The following XPO6 variants were observed in gnomAD, a reference collection of about 807,000 sequenced individuals.
XPO6 encodes the protein exportin 6, also known as exportin-6.
Under a neutral mutation model 130.0 loss-of-function variants are expected in XPO6, and 3 were observed. The observed-to-expected ratio is 0.02, with a 90% CI of 0.01 to 0.06. The LOEUF (loss-of-function observed/expected upper bound fraction) is 0.06, where lower values mean the gene tolerates loss of function less well. Among genes scored for constraint, XPO6 ranks in the 10% least tolerant of loss-of-function variants. XPO6 has a pLI of 1.00. For missense variants in XPO6, 970 were observed against 1,393.0 expected (o/e 0.70, Z 4.83); for synonymous variants, 524 against 548.9 (o/e 0.95, Z 0.63).
Position 28,106,452 on chromosome 16 carries a change from C to T in XPO6, c.2543G>A (p.Gly848Asp). ...MLSFFLTLFR[G>D]LRVQMGVPFT... ...AGGCACACCCATCTGTACTCTAAGGCCTCGAAACAGAGTGAGGAAGAAGCT... is the reference window on the plus strand; with the variant it reads ...AGGCACACCCATCTGTACTCTAAGGTCTCGAAACAGAGTGAGGAAGAAGCT... The change falls in exon 19 of 24, where the codon GGC becomes GAC. Residue 848 changes from glycine to aspartate, a missense_variant. By Grantham distance (94) the Gly-to-Asp change is moderately conservative (BLOSUM62 -1). Coordinates refer to ENST00000304658, the MANE Select transcript of XPO6 (RefSeq NM_015171.4). The surrounding 1 kb of genome is among the most constrained non-coding windows in gnomAD (Gnocchi z 4.2). 6.2e-7 allele frequency: 1 copy of T among 1,614,224 alleles called. No homozygotes were observed.
In XPO6 at chr16:28,156,479, A is replaced by G; in HGVS notation, c.692T>C (p.Leu231Ser). The change falls in exon 7 of 24, where the codon TTG becomes TCG. Residue 231 changes from leucine (L) to serine (S), a missense_variant. Physicochemically the swap from Leu to Ser is moderately radical, Grantham distance 145. Transcript: ENST00000304658. ...ATCAAGGATGGGAATTGGCTGATTCAACAGTTTGGCTGAACTGGGACTCTG... is the reference window on the plus strand; with the variant it reads ...ATCAAGGATGGGAATTGGCTGATTCGACAGTTTGGCTGAACTGGGACTCTG... ...LLQSPSSAKL[L>S]NQPIPILDVE... 1 of 1,602,632 alleles carries G rather than the reference A, an allele frequency of 6.2e-7. No homozygotes were observed. The highest frequency in any genetic ancestry group is 1.3e-5 in the African/African-American group (1 of 74,872).
chr16:28,208,746 T>C lies in XPO6; in HGVS notation c.3+2620A>G, dbSNP rs559042755. Among the ~76,000 whole-genome samples the C allele has an allele frequency of 2.0e-5, 3 of 152,310 alleles. No homozygotes were observed. The East Asian group carries it at 5.8e-4, about 29-fold the overall frequency. On this transcript the variant is annotated intron_variant, in intron 1 of 23. Transcript: ENST00000304658. Reference sequence around the variant, plus strand: ...AAGGGTGCTGGGCTAGCTCAGTCAATAACAAAATTCTGTCCAAGGGTCCTA... The same window carrying C: ...AAGGGTGCTGGGCTAGCTCAGTCAACAACAAAATTCTGTCCAAGGGTCCTA...
At chr16:28,100,278 C>A (rs1567586665) in intron 23 of XPO6, among the ~76,000 whole-genome samples, 1 of 152,368 alleles carries the variant, frequency 6.6e-6, no homozygotes, top group East Asian at 1.9e-4. Context: ...GTGTGAGACA[C>A]CGCGCCTGGC....
chr16:28,163,431 A>C (rs2043308504), intron 6 of XPO6, among the ~76,000 whole-genome samples: 1 of 152,238 alleles, frequency 6.6e-6, no homozygotes, highest in South Asian at 2.1e-4. Context: ...ATGGTCCCTT[A>C]ATTTTACTGC....
chr16:28,121,403 G>A (rs1248349043), intron 14 of XPO6, among the ~76,000 whole-genome samples: 1 of 152,164 alleles, frequency 6.6e-6, no homozygotes, highest in Non-Finnish European at 1.5e-5. Context: ...CTGTGTGACT[G>A]TCTCAGCCTG....
At chr16:28,185,357 C>T (rs28470222) in intron 1 of XPO6, among the ~76,000 whole-genome samples, 87,334 of 151,434 alleles carry the variant, frequency 0.58, 27,477 homozygotes, top group South Asian at 0.72. Flanking sequence ...AAGACCTTGC[C>T]TCTTAAAAAA....
intron 8 of XPO6, among the ~76,000 whole-genome samples, chr16:28,149,375 G>A (rs1449775658): frequency 6.6e-6 from 1 of 152,146 alleles, no homozygotes; most frequent in African/African-American, 2.4e-5. Context: ...AAGGAGAAAC[G>A]GTTAAAGAAG....
intron 23 of XPO6, among the ~76,000 whole-genome samples, chr16:28,100,044 G>A (rs1267623957): frequency 6.6e-6 from 1 of 152,020 alleles, no homozygotes; most frequent in Non-Finnish European, 1.5e-5. Context: ...CTGGAGTGCA[G>A]TGGCACAACC....
At chr16:28,209,738 G>A (rs1261384820) in intron 1 of XPO6, among the ~76,000 whole-genome samples, 1 of 151,612 alleles carries the variant, frequency 6.6e-6, no homozygotes, top group Non-Finnish European at 1.5e-5. Flanking sequence ...CATACCTCTA[G>A]ATTACTCTTT....
chr16:28,189,257 TAAA>T (rs34353034), intron 1 of XPO6, among the ~76,000 whole-genome samples: 5 of 134,608 alleles, frequency 3.7e-5, no homozygotes, highest in Admixed American at 1.5e-4. Context: ...ACACTTCCTT[TAAA>T]AAAAAAAAAA....
At chr16:28,117,027 A>G (rs1359558366) in intron 15 of XPO6, 3 of 337,988 alleles carry the variant, frequency 8.9e-6, no homozygotes, top group Non-Finnish European at 1.7e-5. Context: ...CGCGCGAAGG[A>G]AAATGTTTCA....
chr16:28,128,588 C>G (rs145962105), intron 12 of XPO6, among the ~76,000 whole-genome samples: 1 of 152,230 alleles, frequency 6.6e-6, no homozygotes, highest in Non-Finnish European at 1.5e-5. Context: ...AAAACACTAC[C>G]CTAAATCAAG....
rs2043136703 is a variant in XPO6, at chr16:28,153,790, T to C, written c.1098-1005A>G. ...TGGCTAAAAGCAATTCTGAAGCTCATTACTGCAAAAGCTATTTTTCAAAAC... is the reference window on the plus strand; with the variant it reads ...TGGCTAAAAGCAATTCTGAAGCTCACTACTGCAAAAGCTATTTTTCAAAAC... On this transcript the variant is annotated intron_variant, in intron 7 of 23. Transcript: ENST00000304658. 1.1e-5 allele frequency: 11 copies of C among 985,244 alleles called. No homozygotes were observed. The South Asian group carries it at 4.2e-4, about 38-fold the overall frequency. The allele number at this position is 985,244 out of a possible 1,614,324, so 61.0% of individuals were successfully genotyped here.
At chr16:28,170,093 G>GA (rs1370865892) in intron 4 of XPO6, among the ~76,000 whole-genome samples, 184 bp from the exon 5 acceptor site, 1 of 152,106 alleles carries the variant, frequency 6.6e-6, no homozygotes, top group African/African-American at 2.4e-5. Flanking sequence ...AGCACTTTGG[G>GA]TGGCTGAGAC....
In XPO6 at chr16:28,133,867, G is replaced by A; in HGVS notation, c.1510C>T (p.Leu504=). Residue 504 remains leucine (L), a synonymous_variant, in exon 11 of 24, where the codon CTG becomes TTG. Transcript: ENST00000304658. ...LEVVAKVMEL[L]PTHAFSTLFP... ...AGTGTGGAGAAGGCGTGCGTGGGCA[G>A]GAGCTCCATCACTTTGGCCACCACC... 1.9e-6 allele frequency: 3 copies of A among 1,614,092 alleles called. No individual in the cohort carries two copies. The Middle Eastern group carries it at 4.9e-4, about 266-fold the overall frequency.
chr16:28,146,336 AAAAC>A (rs2042982361), intron 8 of XPO6, 133 bp from the exon 9 acceptor site: 1 of 719,318 alleles, frequency 1.4e-6, no homozygotes, highest in African/African-American at 1.8e-5. Context: ...CCTGGTAACC[AAAAC>A]TGGTGGCTTT....
At chr16:28,199,306 T>C (rs531561600) in intron 1 of XPO6, among the ~76,000 whole-genome samples, 56 of 152,280 alleles carry the variant, frequency 3.7e-4, no homozygotes, top group Admixed American at 2.4e-3. Flanking sequence ...AAAAACAAAA[T>C]GCAGATGAAT....
chr16:28,201,399 A>C (rs2043950697), intron 1 of XPO6, among the ~76,000 whole-genome samples: 1 of 152,200 alleles, frequency 6.6e-6, no homozygotes, highest in African/African-American at 2.4e-5. Context: ...TAGGCACTAA[A>C]GAGGCGAAGC....
intron 1 of XPO6, among the ~76,000 whole-genome samples, chr16:28,196,288 G>A (rs1226997261): frequency 6.6e-6 from 1 of 152,124 alleles, no homozygotes; most frequent in Non-Finnish European, 1.5e-5. Flanking sequence ...CTTAATCTAT[G>A]TCATCTTTTT....
Sources: allele counts gnomAD v4.1 joint callset (sites outside exome capture counted in the v4.1 genomes callset), GRCh38; gene constraint gnomAD v4.1.1; non-coding constraint Gnocchi (gnomAD v3.1); transcripts MANE v1.5; gene names NCBI Gene and HGNC (gene_info 2026-07-23, HGNC 2026-07-21).